The following DCC variants were observed in gnomAD, a reference collection of about 807,000 sequenced individuals.
DCC encodes the protein netrin receptor DCC.
Under a neutral mutation model 172.5 loss-of-function variants are expected in DCC, and 58 were observed. The ratio of observed to expected loss-of-function variants is 0.34; its 90% confidence interval spans 0.27 to 0.42. DCC has a LOEUF of 0.42. DCC is among the 10% of genes least tolerant of loss of function. DCC has a pLI of 1.00. For synonymous variants in DCC, 709 were observed against 644.5 expected (o/e 1.10, Z -1.52); for missense variants, 1,740 against 1,791.0 (o/e 0.97, Z 0.51).
At chr18:52,937,882 T>C (rs140539377) in intron 5 of DCC, among the ~76,000 whole-genome samples, 1 of 152,088 alleles carries the variant, frequency 6.6e-6, no homozygotes, top group Non-Finnish European at 1.5e-5. Context: ...GAGGGTGTTA[T>C]TGGGTAAGCG....
chr18:52,473,062 A>T (rs1285108718), intron 1 of DCC, among the ~76,000 whole-genome samples: 2 of 152,180 alleles, frequency 1.3e-5, no homozygotes, highest in Non-Finnish European at 2.9e-5. Flanking sequence ...ATTTTTGAAA[A>T]ACACAAAGCT....
At chr18:52,831,001 A>G (rs1231667860) in intron 2 of DCC, among the ~76,000 whole-genome samples, 2 of 152,256 alleles carry the variant, frequency 1.3e-5, no homozygotes, top group South Asian at 2.1e-4. Flanking sequence ...CTCAGGGCAT[A>G]GGGCAAGTCT....
chr18:52,654,636 C>CA, intron 1 of DCC, among the ~76,000 whole-genome samples: 1 of 151,982 alleles, frequency 6.6e-6, no homozygotes, highest in Non-Finnish European at 1.5e-5. Flanking sequence ...AAGGCTCACC[C>CA]AAAAAAGTTA....
intron 16 of DCC, among the ~76,000 whole-genome samples, chr18:53,390,582 A>AT (rs1908485742): frequency 6.6e-6 from 1 of 152,202 alleles, no homozygotes; most frequent in African/African-American, 2.4e-5. Flanking sequence ...TATGCACTAC[A>AT]TAATATAAAG....
At chr18:52,371,571 T>G (rs1470785478) in intron 1 of DCC, among the ~76,000 whole-genome samples, 1 of 152,194 alleles carries the variant, frequency 6.6e-6, no homozygotes, top group Non-Finnish European at 1.5e-5. Context: ...TTCACCTTCT[T>G]AAAGGCTTGA....
chr18:53,502,520 A>AACTT (rs1212507355), intron 27 of DCC, among the ~76,000 whole-genome samples: 7 of 152,240 alleles, frequency 4.6e-5, no homozygotes, highest in Admixed American at 4.6e-4. Context: ...TTAGACTTAA[A>AACTT]GATGAAATAC....
intron 2 of DCC, among the ~76,000 whole-genome samples, chr18:52,875,512 G>A (rs2039390092): frequency 6.6e-6 from 1 of 152,180 alleles, no homozygotes; most frequent in Non-Finnish European, 1.5e-5. Context: ...AGGAAGTTAC[G>A]TAGAATGGTG....
intron 11 of DCC, among the ~76,000 whole-genome samples, chr18:53,213,647 CAAAAAAAAAAAAAAA>C: frequency 2.8e-5 from 1 of 35,378 alleles, no homozygotes; most frequent in African/African-American, 6.0e-5. Flanking sequence ...GACTCCGTCT[CAAAAAAAAAAAAAAA>C]AAAAAAAAAA....
intron 2 of DCC, among the ~76,000 whole-genome samples, chr18:52,868,972 T>C (rs1391969944): frequency 3.3e-5 from 5 of 152,188 alleles, no homozygotes; most frequent in Non-Finnish European, 1.5e-5. Context: ...CACTGGGGAA[T>C]GTGGTGTCAC....
intron 1 of DCC, among the ~76,000 whole-genome samples, chr18:52,361,546 A>G (rs547400449): frequency 2.0e-5 from 3 of 152,340 alleles, no homozygotes; most frequent in Non-Finnish European, 4.4e-5. Context: ...CCTGTCTTCT[A>G]AAAGTGTCAG....
intron 23 of DCC, among the ~76,000 whole-genome samples, chr18:53,452,143 G>A (rs2045422431): frequency 6.6e-6 from 1 of 152,186 alleles, no homozygotes; most frequent in Admixed American, 6.5e-5. Flanking sequence ...GTAAGGCATT[G>A]AACAATCTCT....
intron 1 of DCC, among the ~76,000 whole-genome samples, chr18:52,613,351 G>A (rs2034311247): frequency 6.6e-6 from 1 of 152,140 alleles, no homozygotes; most frequent in Non-Finnish European, 1.5e-5. Flanking sequence ...CGCCTCCCGG[G>A]TTCACACCAT....
At chr18:53,458,425 T>C (rs1049277951) in intron 23 of DCC, among the ~76,000 whole-genome samples, 1 of 152,218 alleles carries the variant, frequency 6.6e-6, no homozygotes, top group Non-Finnish European at 1.5e-5. Flanking sequence ...CAGATTTGGC[T>C]TGCAAACTGT....
intron 12 of DCC, among the ~76,000 whole-genome samples, chr18:53,268,994 C>G (rs1178492471): frequency 3.9e-5 from 6 of 152,086 alleles, no homozygotes; most frequent in Non-Finnish European, 8.8e-5. Context: ...AGAATATTGT[C>G]CATTAGTGAA....
chr18:52,651,089 A>G (rs932457323), intron 1 of DCC, among the ~76,000 whole-genome samples: 11 of 152,192 alleles, frequency 7.2e-5, no homozygotes, highest in Admixed American at 7.2e-4. Flanking sequence ...ACTTCAGGCA[A>G]CCACTGTCAA....
chr18:53,458,265 G>A (rs1189162024), intron 23 of DCC, among the ~76,000 whole-genome samples: 2 of 152,148 alleles, frequency 1.3e-5, no homozygotes, highest in Non-Finnish European at 2.9e-5. Context: ...GGTCAAAAAT[G>A]ATTTCTGAAA....
intron 9 of DCC, among the ~76,000 whole-genome samples, chr18:53,202,333 A>C (rs1198855223): frequency 6.6e-6 from 1 of 152,206 alleles, no homozygotes; most frequent in South Asian, 2.1e-4. Context: ...GAATCTGGGT[A>C]AATTTGAACA....
chr18:53,038,522 C>T (rs73958668), intron 5 of DCC, among the ~76,000 whole-genome samples: 5,854 of 152,038 alleles, frequency 0.039, 366 homozygotes, highest in African/African-American at 0.13. Context: ...CACCTATACA[C>T]TATCATTAAG....
chr18:53,136,209 C>CTATA (rs1010454794), intron 7 of DCC, among the ~76,000 whole-genome samples: 5 of 144,398 alleles, frequency 3.5e-5, no homozygotes, highest in African/African-American at 1.3e-4. Flanking sequence ...ATCTATCTAT[C>CTATA]TATATATATA....
Sources: allele counts gnomAD v4.1 joint callset (sites outside exome capture counted in the v4.1 genomes callset), GRCh38; gene constraint gnomAD v4.1.1; transcripts MANE v1.5; gene names NCBI Gene and HGNC (gene_info 2026-07-23, HGNC 2026-07-21).